The following U2SURP variants were observed in gnomAD, a reference collection of about 807,000 sequenced individuals.
U2SURP encodes U2 snRNP-associated SURP motif-containing protein.
U2SURP carries 9 observed loss-of-function variants against 144.9 expected under a neutral mutation model. That is an observed-to-expected ratio of 0.06 (90% confidence interval 0.04 to 0.11). U2SURP has a LOEUF of 0.11. U2SURP is among the 10% of genes least tolerant of loss of function. The pLI is 1.00. For synonymous variants in U2SURP, 408 were observed against 396.8 expected, an observed-to-expected ratio of 1.03 and a Z score of -0.33; for missense variants, 724 against 1,226.7, an observed-to-expected ratio of 0.59 and a Z score of 6.12.
intron 3 of U2SURP, among the ~76,000 whole-genome samples, chr3:143,012,905 CAT>C (rs1269414506): frequency 6.6e-6 from 1 of 152,100 alleles, no homozygotes; most frequent in Admixed American, 6.6e-5. Context: ...AAATTTGTAA[CAT>C]AACACAGTCA....
Position 143,030,630 on chromosome 3 carries a change from G to A in U2SURP, c.1610+1984G>A, listed in dbSNP as rs574446148. On this transcript the variant is annotated intron_variant, in intron 16 of 27. Transcript: ENST00000473835. Reference sequence around the variant, plus strand: ...ATCAAGGAGTAATTTTGACCTTTTAGTCTTATTATTTAAGAAATATATTTC... The same window carrying A: ...ATCAAGGAGTAATTTTGACCTTTTAATCTTATTATTTAAGAAATATATTTC... 7.2e-5 allele frequency among the ~76,000 whole-genome samples: 11 copies of A among 152,254 alleles called. No individual in the cohort carries two copies. In the South Asian group the frequency reaches 2.3e-3, roughly 31 times the overall value.
chr3:143,054,307 A>G (rs990907429), intron 26 of U2SURP, among the ~76,000 whole-genome samples: 72 of 152,332 alleles, frequency 4.7e-4, no homozygotes, highest in African/African-American at 1.7e-3. Flanking sequence ...TGAGTAAAGA[A>G]AATTGTTTCC....
chr3:143,060,194 G>A lies in U2SURP; in HGVS notation c.*3744G>A, dbSNP rs1044389655. On this transcript the variant is annotated 3_prime_UTR_variant, in exon 28 of 28. Transcript: ENST00000473835. ...TGCACTCATCATGTCACATGTAATT[G>A]TGCTTGGAGTATTTGTGTTTTATTC... 2 of 152,412 alleles carry A rather than the reference G, an allele frequency of 1.3e-5. No homozygotes were observed. Among genetic ancestry groups the A allele is most frequent in the Admixed American group, 6.6e-5 (1 of 15,254 alleles). The allele number at this position is 152,412 out of a possible 1,614,324, so 9.4% of individuals were successfully genotyped here. A position where few individuals can be genotyped will look rare whatever the true frequency, so the allele number is the denominator to read the frequency against.
chr3:143,057,863 A>C lies in U2SURP; in HGVS notation c.*1413A>C, dbSNP rs1935220983. 1 of 152,362 alleles carries C rather than the reference A, an allele frequency of 6.6e-6. No homozygotes were observed. The highest frequency in any genetic ancestry group is 1.5e-5 in the Non-Finnish European group (1 of 67,840). 9.4% of individuals were successfully genotyped at this position (152,362 alleles called of 1,614,324 possible). On this transcript the variant is annotated 3_prime_UTR_variant, in exon 28 of 28. Coordinates refer to ENST00000473835, the MANE Select transcript of U2SURP (RefSeq NM_001080415.2). ...AATAAGATGTGCACCCATGGTTTGG[A>C]GAGTTCCTATATTAGCTGAGCAGTG...
chr3:143,022,066 T>G (rs1936663672), intron 10 of U2SURP, among the ~76,000 whole-genome samples: 1 of 152,238 alleles, frequency 6.6e-6, no homozygotes. Flanking sequence ...GGGTAGTTGA[T>G]TGTTAGAACA....
At chr3:143,025,735 T>A (rs1001875240) in intron 13 of U2SURP, 8 of 152,182 alleles carry the variant, frequency 5.3e-5, no homozygotes, top group African/African-American at 1.9e-4. Context: ...TAGTTTTAAA[T>A]GCATGATTTC....
intron 27 of U2SURP, among the ~76,000 whole-genome samples, chr3:143,055,470 C>T (rs1226996012): frequency 1.3e-5 from 2 of 152,178 alleles, no homozygotes; most frequent in East Asian, 3.9e-4. Context: ...ATTTTTCCCC[C>T]ATAGCAATAT....
intron 6 of U2SURP, among the ~76,000 whole-genome samples, chr3:143,018,755 G>A (rs1936499496): frequency 1.3e-5 from 2 of 151,962 alleles, no homozygotes; most frequent in Admixed American, 6.6e-5. Flanking sequence ...GAGAAACCCC[G>A]TCTCTACTAA....
intron 13 of U2SURP, chr3:143,026,142 G>A (rs1347292840): frequency 6.6e-6 from 1 of 152,032 alleles, no homozygotes; most frequent in African/African-American, 2.4e-5. Context: ...AATAACCTGA[G>A]TCATTTTTGC....
intron 16 of U2SURP, among the ~76,000 whole-genome samples, chr3:143,031,992 A>G (rs1933526860): frequency 6.6e-6 from 1 of 151,932 alleles, no homozygotes; most frequent in Admixed American, 6.6e-5. Context: ...CCTTCCCTAC[A>G]TGTTGTCTGG....
At chr3:143,020,551 A>G in intron 7 of U2SURP, 48 bp from the exon 8 acceptor site, 4 of 1,311,916 alleles carry the variant, frequency 3.0e-6, no homozygotes, top group Non-Finnish European at 3.3e-6. Context: ...TGAAATGTGA[A>G]TGAACAAATT....
intron 13 of U2SURP, chr3:143,026,034 T>G (rs1560187541): frequency 6.6e-6 from 1 of 152,206 alleles, no homozygotes; most frequent in Non-Finnish European, 1.5e-5. Context: ...GTGTGTGCTT[T>G]GTACCAAGAG....
rs758299268 is a variant in U2SURP at position 143,036,239 on chromosome 3, A to G, written c.2064+135A>G. The G allele has an allele frequency of 7.0e-6, 7 of 997,838 alleles. No individual in the cohort carries two copies. In the Admixed American group the frequency reaches 1.5e-4, roughly 22 times the overall value. 61.8% of individuals were successfully genotyped at this position (997,838 alleles called of 1,614,324 possible). A position where few individuals can be genotyped will look rare whatever the true frequency, so the allele number is the denominator to read the frequency against. ...TCTATTGCTTACCATTAAGTAGTGG[A>G]TTTTTATTGCTGGAACCCAGAAGTC... On this transcript the variant is annotated intron_variant, in intron 20 of 27. Coordinates refer to ENST00000473835, the MANE Select transcript of U2SURP (RefSeq NM_001080415.2).
intron 25 of U2SURP, among the ~76,000 whole-genome samples, chr3:143,053,130 T>C (rs972369326): frequency 3.3e-5 from 5 of 152,200 alleles, no homozygotes; most frequent in South Asian, 2.1e-4. Flanking sequence ...TTTGATTAAA[T>C]CAATTTGTTT....
In U2SURP at chr3:143,058,714, G is replaced by A. The variant is rs1431141257; in HGVS notation, c.*2264G>A. The A allele has an allele frequency of 6.6e-6, 1 of 151,850 alleles. No homozygotes were observed. Among genetic ancestry groups the A allele is most frequent in the Non-Finnish European group, 1.5e-5 (1 of 67,794 alleles). 9.4% of individuals were successfully genotyped at this position (151,850 alleles called of 1,614,324 possible). On this transcript the variant is annotated 3_prime_UTR_variant, in exon 28 of 28. Coordinates refer to ENST00000473835, the MANE Select transcript of U2SURP (RefSeq NM_001080415.2). The stretch of plus-strand genomic sequence containing the variant: ...GGGATCAGAAATTGGTGACTTATAA[G>A]GGGGAAGATATTCTACCATATTTTT...
intron 1 of U2SURP, among the ~76,000 whole-genome samples, chr3:143,007,836 T>A (rs564876318): frequency 6.6e-6 from 1 of 152,294 alleles, no homozygotes; most frequent in Admixed American, 6.5e-5. Context: ...CAGTTCCAGG[T>A]TAGGAAGAGG....
intron 1 of U2SURP, among the ~76,000 whole-genome samples, chr3:143,003,677 C>CTTTTTTTTTTTTTTTTTTT (rs60505715): frequency 7.7e-4 from 78 of 101,518 alleles, no homozygotes; most frequent in Non-Finnish European, 1.1e-3. Context: ...TATTTTATTT[C>CTTTTTTTTTTTTTTTTTTT]TTTTTTTTTT....
chr3:143,025,704 G>A (rs1474644460), intron 13 of U2SURP: 1 of 152,040 alleles, frequency 6.6e-6, no homozygotes, highest in African/African-American at 2.4e-5. Context: ...TTTTTGTTTT[G>A]ACAATTTGAG....
chr3:143,038,969 C>CT lies in U2SURP; in HGVS notation c.2384+10dup, dbSNP rs773456799. 23 of 1,505,180 alleles carry CT rather than the reference C, an allele frequency of 1.5e-5. No individual in the cohort carries two copies. The highest frequency in any genetic ancestry group is 4.3e-5 in the African/African-American group (3 of 70,558). 93.2% of individuals were successfully genotyped at this position (1,505,180 alleles called of 1,614,324 possible). ...GAAGAAGAAAATCAAAAGTAAGAAT[C>CT]TAAGTTTTGAATATACTGTTTCTTG... On this transcript the variant is annotated intron_variant, in intron 23 of 27. Coordinates refer to ENST00000473835, the MANE Select transcript of U2SURP (RefSeq NM_001080415.2).
Sources: gnomAD v4.1 joint callset for allele counts (sites outside exome capture counted in the v4.1 genomes callset) on GRCh38, gnomAD v4.1.1 for gene constraint, MANE v1.5 for transcripts, NCBI Gene and HGNC (gene_info 2026-07-23, HGNC 2026-07-21) for gene names.